The following PRDM16 variants were observed in gnomAD, a reference collection of about 807,000 sequenced individuals.
The protein encoded by PRDM16 is PR/SET domain 16, also known as histone-lysine N-methyltransferase PRDM16.
Under a neutral mutation model 110.6 loss-of-function variants are expected in PRDM16, and 23 were observed. The observed-to-expected ratio is 0.21, with a 90% confidence interval of 0.15 to 0.29. The LOEUF is 0.29. Ranked by LOEUF, PRDM16 falls within the 10% of genes least tolerant of loss-of-function variation. PRDM16 has a pLI of 1.00. For synonymous variants in PRDM16, 799 were observed against 781.8 expected (o/e 1.02, Z -0.37); for missense variants, 1,615 against 1,794.3 (o/e 0.90, Z 1.81).
At chr1:3,347,061 G>A (rs1300419495) in intron 3 of PRDM16, among the ~76,000 whole-genome samples, 1 of 152,238 alleles carries the variant, frequency 6.6e-6, no homozygotes, top group Non-Finnish European at 1.5e-5. Flanking sequence ...CGACCACCTT[G>A]AGGGCCTCAC....
chr1:3,383,262 G>A (rs144955066), intron 3 of PRDM16, among the ~76,000 whole-genome samples: 2,035 of 152,244 alleles, frequency 0.013, 27 homozygotes, highest in South Asian at 0.033. Context: ...GGGCAGGCAC[G>A]GCTGTGTGTG....
intron 3 of PRDM16, among the ~76,000 whole-genome samples, chr1:3,383,571 G>A (rs1643142905): frequency 6.6e-6 from 1 of 152,142 alleles, no homozygotes; most frequent in South Asian, 2.1e-4. Context: ...TGGTGCCGAC[G>A]TTTAACTTTT....
chr1:3,381,463 C>T (rs1271479237), intron 3 of PRDM16, among the ~76,000 whole-genome samples: 2 of 144,746 alleles, frequency 1.4e-5, no homozygotes, highest in Non-Finnish European at 3.0e-5. Flanking sequence ...AGTGCAGTGG[C>T]GCAATCTCGG....
chr1:3,355,415 G>A (rs1205051904), intron 3 of PRDM16, among the ~76,000 whole-genome samples: 1 of 152,098 alleles, frequency 6.6e-6, no homozygotes, highest in Non-Finnish European at 1.5e-5. Flanking sequence ...GGGGGGCTTG[G>A]CCTCCATTTT....
At chr1:3,182,902 A>G (rs1450520865) in intron 1 of PRDM16, among the ~76,000 whole-genome samples, 3 of 152,146 alleles carry the variant, frequency 2.0e-5, no homozygotes, top group Non-Finnish European at 4.4e-5. Context: ...CTTCCAGCCA[A>G]GTCCACCTCT....
In PRDM16 at chr1:3,190,723, C is replaced by A. The variant is rs12142172; in HGVS notation, c.387+4249C>A. Reference sequence around the variant, plus strand: ...CCAAATACCACGCCCCGCCGGTCGCCGCCGAAGCCCACCTGCCTGGAGGAA... The same window carrying A: ...CCAAATACCACGCCCCGCCGGTCGCAGCCGAAGCCCACCTGCCTGGAGGAA... On this transcript the variant is annotated intron_variant, in intron 2 of 16. Transcript: ENST00000270722. This position sits in a 1 kb window ranked among gnomAD's most constrained non-coding sequence, Gnocchi z 5.0. Among the ~76,000 whole-genome samples, 1 of 152,156 alleles carries A rather than the reference C, an allele frequency of 6.6e-6. No individual in the cohort carries two copies. The highest frequency in any genetic ancestry group is 2.4e-5 in the African/African-American group (1 of 41,492).
At chr1:3,252,159 C>G (rs556681775) in intron 3 of PRDM16, among the ~76,000 whole-genome samples, 2 of 152,228 alleles carry the variant, frequency 1.3e-5, no homozygotes, top group African/African-American at 2.4e-5. Context: ...GCTGTGCCCC[C>G]CTCTTCCTGA....
At position 3,171,408 on chromosome 1, in the gene PRDM16, G is replaced by A. The variant is rs550301110; in HGVS notation, c.38-14717G>A. Among the ~76,000 whole-genome samples the A allele has an allele frequency of 3.9e-5, 6 of 152,246 alleles. No individual in the cohort carries two copies. In the East Asian group the frequency reaches 5.8e-4, roughly 15 times the overall value. ...CCCTGGCTGAGTGCACTTTGTCCTCGGGTGGCCTGGCCTGCAGAGCCTCCT... is the reference window on the plus strand; with the variant it reads ...CCCTGGCTGAGTGCACTTTGTCCTCAGGTGGCCTGGCCTGCAGAGCCTCCT... On this transcript the variant is annotated intron_variant, in intron 1 of 16. Coordinates refer to ENST00000270722, the MANE Select transcript of PRDM16 (RefSeq NM_022114.4).
At chr1:3,242,243 T>G (rs887458029) in intron 2 of PRDM16, among the ~76,000 whole-genome samples, 4 of 152,160 alleles carry the variant, frequency 2.6e-5, no homozygotes, top group African/African-American at 9.7e-5. Context: ...CCGCCGCAAA[T>G]GCCAGAGAGA....
intron 10 of PRDM16, 121 bp downstream of exon 10, chr1:3,414,768 C>T (rs1354598028): frequency 4.2e-6 from 3 of 710,208 alleles, no homozygotes; most frequent in Non-Finnish European, 7.3e-6. Flanking sequence ...ATACCACGCA[C>T]AGACGCCCTC....
chr1:3,121,425 A>G (rs1310369669), intron 1 of PRDM16, among the ~76,000 whole-genome samples: 1 of 152,280 alleles, frequency 6.6e-6, no homozygotes, highest in Admixed American at 6.5e-5. Flanking sequence ...GACCGGGCTC[A>G]GAAAAGATCA....
rs182262540 is a variant in PRDM16 at position 3,135,626 on chromosome 1, C to T, written c.38-50499C>T. Among the ~76,000 whole-genome samples the T allele has an allele frequency of 4.3e-4, 65 of 152,294 alleles. No homozygotes were observed. In the East Asian group the frequency reaches 8.9e-3, roughly 21 times the overall value. On this transcript the variant is annotated intron_variant, in intron 1 of 16. Coordinates refer to ENST00000270722, the MANE Select transcript of PRDM16 (RefSeq NM_022114.4). ...CTGGGTAACCCGAGCCCGCCTGACG[C>T]GACATCCCTGGCAGTGACAATTAAG...
intron 3 of PRDM16, among the ~76,000 whole-genome samples, chr1:3,303,361 G>C (rs1027900220): frequency 2.0e-5 from 3 of 152,052 alleles, no homozygotes; most frequent in Non-Finnish European, 4.4e-5. Context: ...CTCAGCATAG[G>C]GTTTCTGAGG....
intron 4 of PRDM16, among the ~76,000 whole-genome samples, chr1:3,385,844 A>G (rs974508631): frequency 2.0e-5 from 3 of 152,130 alleles, no homozygotes; most frequent in South Asian, 4.1e-4. Flanking sequence ...GGCAAGAGAT[A>G]CCTTCACTTC....
chr1:3,122,688 G>GC (rs1292046719), intron 1 of PRDM16, among the ~76,000 whole-genome samples: 2 of 151,802 alleles, frequency 1.3e-5, no homozygotes, highest in Non-Finnish European at 2.9e-5. Context: ...CCTCCGTGCT[G>GC]CCCCCACACT....
chr1:3,089,599 T>C (rs1642226898), intron 1 of PRDM16, among the ~76,000 whole-genome samples: 1 of 152,222 alleles, frequency 6.6e-6, no homozygotes, highest in South Asian at 2.1e-4. Context: ...TGTTTCTAAT[T>C]TAAACAGAAA....
At chr1:3,147,330 CGTG>C (rs1210155452) in intron 1 of PRDM16, among the ~76,000 whole-genome samples, 1 of 151,570 alleles carries the variant, frequency 6.6e-6, no homozygotes, top group East Asian at 1.9e-4. Context: ...GGGTGTGTGA[CGTG>C]GGTGCACCTG....
chr1:3,103,669 G>A (rs1642584082), intron 1 of PRDM16, among the ~76,000 whole-genome samples: 1 of 152,222 alleles, frequency 6.6e-6, no homozygotes, highest in South Asian at 2.1e-4. Context: ...GGGGACGAGA[G>A]TTCTGTAACT....
chr1:3,095,758 A>G (rs1459783667), intron 1 of PRDM16, among the ~76,000 whole-genome samples: 2 of 149,586 alleles, frequency 1.3e-5, no homozygotes, highest in Non-Finnish European at 3.0e-5. Flanking sequence ...GTGGGAGATG[A>G]CTCTGTGGAG....
Sources: allele counts gnomAD v4.1 joint callset (sites outside exome capture counted in the v4.1 genomes callset), GRCh38; gene constraint gnomAD v4.1.1; non-coding constraint Gnocchi (gnomAD v3.1); transcripts MANE v1.5; gene names NCBI Gene and HGNC (gene_info 2026-07-23, HGNC 2026-07-21).